SLC1A2: variants seen among roughly 807,000 people sequenced by gnomAD.
The protein encoded by SLC1A2 is solute carrier family 1 member 2.
A neutral mutation model predicts 48.8 loss-of-function variants in SLC1A2; 15 were observed. That is an observed-to-expected ratio of 0.31 (90% CI 0.21 to 0.47). SLC1A2 has a LOEUF of 0.47. Among genes scored for constraint, SLC1A2 ranks in the 20% least tolerant of loss-of-function variants. The pLI, the probability that SLC1A2 is intolerant of heterozygous loss-of-function variation, is 0.99. For synonymous variants in SLC1A2, 279 were observed against 272.6 expected, an observed-to-expected ratio of 1.02 and a Z score of -0.23; for missense variants, 502 against 730.5, an observed-to-expected ratio of 0.69 and a Z score of 3.61.
At chr11:35,286,647 C>T in intron 8 of SLC1A2, 110 bp downstream of exon 8, 1 of 742,674 alleles carries the variant, frequency 1.3e-6, no homozygotes, top group Non-Finnish European at 2.1e-6. Flanking sequence ...TTATTACCTT[C>T]ATTGTCTTCC....
chr11:35,379,828 G>T (rs985206640), intron 1 of SLC1A2, among the ~76,000 whole-genome samples: 1 of 152,148 alleles, frequency 6.6e-6, no homozygotes, highest in Admixed American at 6.5e-5. Context: ...AATTACTTAC[G>T]TGGCGAATCC....
At chr11:35,336,145 AAC>A (rs1852622688) in intron 1 of SLC1A2, among the ~76,000 whole-genome samples, 1 of 147,434 alleles carries the variant, frequency 6.8e-6, no homozygotes, top group Admixed American at 6.7e-5. Context: ...GGAGGGGAAC[AAC>A]ACACACTGGG....
intron 6 of SLC1A2, among the ~76,000 whole-genome samples, chr11:35,297,423 G>A (rs563365070): frequency 1.1e-3 from 163 of 152,140 alleles, no homozygotes; most frequent in African/African-American, 3.4e-3. Context: ...CCAAAATCCC[G>A]TTGCTGTGGT....
chr11:35,362,789 G>T (rs1853725107), intron 1 of SLC1A2, among the ~76,000 whole-genome samples: 1 of 152,150 alleles, frequency 6.6e-6, no homozygotes. Flanking sequence ...CAGCAAACTG[G>T]ATTTTCAGGT....
At chr11:35,271,681 A>C (rs1201859354) in intron 9 of SLC1A2, among the ~76,000 whole-genome samples, 1 of 152,110 alleles carries the variant, frequency 6.6e-6, no homozygotes, top group African/African-American at 2.4e-5. Flanking sequence ...ATCTCTACTA[A>C]AAATGCAAAA....
intron 10 of SLC1A2, among the ~76,000 whole-genome samples, chr11:35,263,376 G>GACCTC (rs1427401348): frequency 6.6e-6 from 1 of 152,176 alleles, no homozygotes; most frequent in Non-Finnish European, 1.5e-5. Context: ...GCTGAGGCAG[G>GACCTC]AGAATTGCTT....
chr11:35,366,437 T>C (rs1042731194), intron 1 of SLC1A2, among the ~76,000 whole-genome samples: 1 of 152,190 alleles, frequency 6.6e-6, no homozygotes, highest in Non-Finnish European at 1.5e-5. Context: ...TCCTCAGGAG[T>C]AGCCTTCAAC....
At position 35,329,816 on chromosome 11, in the gene SLC1A2, C is replaced by A. The variant is rs140378314; in HGVS notation, c.18-12300G>T. Among the ~76,000 whole-genome samples, 319 of 152,318 alleles carry A rather than the reference C, an allele frequency of 2.1e-3. 4 individuals carry two copies. The highest frequency in any genetic ancestry group is 3.3e-3 in the Non-Finnish European group (223 of 68,022). ...CTTTATGGTGAGCCTATATCTGTTTCCCTGCAGCTTTTACCCACAGGTTAT... is the reference window on the plus strand; with the variant it reads ...CTTTATGGTGAGCCTATATCTGTTTACCTGCAGCTTTTACCCACAGGTTAT... On this transcript the variant is annotated intron_variant, in intron 1 of 10. Transcript: ENST00000278379.
In SLC1A2 at chr11:35,256,587, A is replaced by T. The variant is rs997018829; in HGVS notation, c.*4307T>A. 6 of 149,242 alleles carry T rather than the reference A, an allele frequency of 4.0e-5. No individual in the cohort carries two copies. Among genetic ancestry groups the T allele is most frequent in the African/African-American group, 1.2e-4 (5 of 40,620 alleles). 9.2% of individuals were successfully genotyped at this position (149,242 alleles called of 1,614,324 possible). On this transcript the variant is annotated 3_prime_UTR_variant, in exon 11 of 11. Transcript: ENST00000278379. The stretch of plus-strand genomic sequence containing the variant: ...CTTCTTTGACAATTAGACTTACAAA[A>T]CTCACTCCAGAATTCCTTCAGGCTG...
At chr11:35,297,142 T>C (rs1414477187) in intron 6 of SLC1A2, among the ~76,000 whole-genome samples, 1 of 152,166 alleles carries the variant, frequency 6.6e-6, no homozygotes, top group Non-Finnish European at 1.5e-5. Flanking sequence ...ACCTTCCTTA[T>C]AAAATCCGGT....
intron 1 of SLC1A2, among the ~76,000 whole-genome samples, chr11:35,384,990 T>C (rs993485761): frequency 6.6e-5 from 10 of 152,200 alleles, no homozygotes; most frequent in South Asian, 2.1e-4. Flanking sequence ...TTGGTTAAAT[T>C]TCCCAGATAT....
At chr11:35,380,040 TA>T (rs1854372682) in intron 1 of SLC1A2, among the ~76,000 whole-genome samples, 1 of 152,270 alleles carries the variant, frequency 6.6e-6, no homozygotes, top group Non-Finnish European at 1.5e-5. Flanking sequence ...AGGCAATCTA[TA>T]AAAGGTCATA....
intron 4 of SLC1A2, among the ~76,000 whole-genome samples, chr11:35,310,042 C>G (rs1163209736): frequency 6.6e-6 from 1 of 152,216 alleles, no homozygotes; most frequent in Non-Finnish European, 1.5e-5. Context: ...CATGCAAAGA[C>G]TGCCCATCCA....
At chr11:35,410,465 A>G (rs1332276143) in intron 1 of SLC1A2, among the ~76,000 whole-genome samples, 1 of 152,180 alleles carries the variant, frequency 6.6e-6, no homozygotes, top group Non-Finnish European at 1.5e-5. Flanking sequence ...GGACGCCTGG[A>G]TATTCTGATC....
rs77050114 is a variant in SLC1A2, at chr11:35,266,952, G to T, written c.1422-1194C>A. On this transcript the variant is annotated intron_variant, in intron 9 of 10. Coordinates refer to ENST00000278379, the MANE Select transcript of SLC1A2 (RefSeq NM_004171.4). ...GGCTCCTTTGCAAGGCCAGTTGTTT[G>T]CAAGGTATAAGCTGGTGGTCTTTCT... is the stretch of plus-strand genomic sequence containing the variant. Among the ~76,000 whole-genome samples the T allele has an allele frequency of 7.2e-5, 11 of 152,334 alleles. No homozygotes were observed. In the East Asian group the frequency reaches 2.1e-3, roughly 29 times the overall value.
intron 9 of SLC1A2, among the ~76,000 whole-genome samples, chr11:35,272,326 G>A (rs184423579): frequency 1.4e-4 from 22 of 152,312 alleles, no homozygotes; most frequent in Admixed American, 9.8e-4. Context: ...AAGGCAGGAC[G>A]TTAAAGGGGA....
intron 1 of SLC1A2, among the ~76,000 whole-genome samples, chr11:35,387,923 A>G (rs189186107): frequency 0.013 from 1,970 of 152,364 alleles, 17 homozygotes; most frequent in Non-Finnish European, 0.015. Context: ...TCACACTTGA[A>G]CTTTTTTCTT....
intron 10 of SLC1A2, among the ~76,000 whole-genome samples, chr11:35,264,343 A>T (rs1463392917): frequency 3.3e-5 from 5 of 152,220 alleles, no homozygotes; most frequent in African/African-American, 1.2e-4. Context: ...TATAGGAAGA[A>T]ATTAGTGATT....
intron 7 of SLC1A2, chr11:35,291,674 G>A (rs1851013230): frequency 1.3e-5 from 2 of 153,170 alleles, no homozygotes; most frequent in African/African-American, 4.8e-5. Context: ...ATATCTCTGG[G>A]GTCCTCTTTG....
Sources: gnomAD v4.1 joint callset for allele counts (sites outside exome capture counted in the v4.1 genomes callset) on GRCh38, gnomAD v4.1.1 for gene constraint, MANE v1.5 for transcripts, NCBI Gene and HGNC (gene_info 2026-07-23, HGNC 2026-07-21) for gene names.